Variants in SH3PXD2A observed in about 807,000 individuals in gnomAD.
SH3PXD2A encodes SH3 and PX domain-containing protein 2A.
In SH3PXD2A, 32 loss-of-function variants were observed where a neutral mutation model predicts 115.2. That is an observed-to-expected ratio of 0.28 (90% CI 0.21 to 0.37). The LOEUF is 0.37. SH3PXD2A is among the 10% of genes least tolerant of loss of function. The pLI is 1.00. For missense variants in SH3PXD2A, 1,328 were observed against 1,498.7 expected (o/e 0.89, Z 1.88); for synonymous variants, 610 against 629.1 (o/e 0.97, Z 0.45).
chr10:103,794,697 T>C (rs928678024), intron 2 of SH3PXD2A, among the ~76,000 whole-genome samples: 5 of 152,210 alleles, frequency 3.3e-5, no homozygotes, highest in Admixed American at 6.5e-5. Context: ...CTGGTCAGCT[T>C]TCCCTGGGAC....
intron 2 of SH3PXD2A, among the ~76,000 whole-genome samples, chr10:103,773,256 C>G (rs1248001568): frequency 1.3e-5 from 2 of 149,204 alleles, no homozygotes; most frequent in Admixed American, 1.3e-4. Flanking sequence ...AAAAAAGAGA[C>G]AAGGCCACCC....
At chr10:103,783,103 G>T (rs1247862764) in intron 2 of SH3PXD2A, among the ~76,000 whole-genome samples, 1 of 152,198 alleles carries the variant, frequency 6.6e-6, no homozygotes, top group Non-Finnish European at 1.5e-5. Flanking sequence ...GGTGAAGCGA[G>T]CGAGCTGGGG....
intron 2 of SH3PXD2A, among the ~76,000 whole-genome samples, chr10:103,774,938 G>T (rs545827971): frequency 2.0e-5 from 3 of 152,152 alleles, no homozygotes; most frequent in African/African-American, 4.8e-5. Context: ...CCAGCTGGAC[G>T]CCTGGAGTGT....
intron 6 of SH3PXD2A, among the ~76,000 whole-genome samples, chr10:103,689,623 C>G (rs954913352): frequency 1.3e-5 from 2 of 152,102 alleles, no homozygotes; most frequent in African/African-American, 4.8e-5. Context: ...TAAGGTCATG[C>G]CACTGCACTC....
chr10:103,786,171 G>C (rs776965775), intron 2 of SH3PXD2A, among the ~76,000 whole-genome samples: 2 of 152,168 alleles, frequency 1.3e-5, no homozygotes, highest in Admixed American at 1.3e-4. Context: ...TGGCAAGGAA[G>C]GGAAAGGACT....
intron 3 of SH3PXD2A, among the ~76,000 whole-genome samples, chr10:103,762,215 T>TGGG (rs1370425172): frequency 3.3e-5 from 5 of 151,848 alleles, no homozygotes; most frequent in Non-Finnish European, 7.4e-5. Flanking sequence ...TTAGCAGAGA[T>TGGG]GGGGGTTTCA....
At chr10:103,668,716 C>T (rs2037417932) in intron 6 of SH3PXD2A, 64 bp from the exon 7 acceptor site, 1 of 1,444,130 alleles carries the variant, frequency 6.9e-7, no homozygotes, top group Admixed American at 2.0e-5. Context: ...AACGGTTAGG[C>T]AGGCAGGAGG....
chr10:103,637,893 G>C (rs1365644125), intron 8 of SH3PXD2A, among the ~76,000 whole-genome samples: 1 of 152,148 alleles, frequency 6.6e-6, no homozygotes. Flanking sequence ...TGACCTCCAG[G>C]CAGAGCTAAG....
At chr10:103,651,793 A>C (rs1307513657) in intron 8 of SH3PXD2A, among the ~76,000 whole-genome samples, 2 of 152,220 alleles carry the variant, frequency 1.3e-5, no homozygotes, top group Non-Finnish European at 2.9e-5. Context: ...ACGAGCAGGC[A>C]TCTCTCCAGG....
chr10:103,839,941 A>G (rs2134315717), intron 1 of SH3PXD2A, among the ~76,000 whole-genome samples: 1 of 152,364 alleles, frequency 6.6e-6, no homozygotes, highest in South Asian at 2.1e-4. Flanking sequence ...GGGAGAGGGC[A>G]TGTTAGGGCA....
At chr10:103,830,300 G>A (rs907164902) in intron 1 of SH3PXD2A, among the ~76,000 whole-genome samples, 26 of 152,208 alleles carry the variant, frequency 1.7e-4, no homozygotes, top group Admixed American at 1.5e-3. Flanking sequence ...GGAATGATAG[G>A]AAGAGATTAA....
intron 2 of SH3PXD2A, among the ~76,000 whole-genome samples, chr10:103,768,405 G>A (rs771777376): frequency 1.3e-5 from 2 of 152,238 alleles, no homozygotes; most frequent in Non-Finnish European, 2.9e-5. Context: ...GAACGTTTCA[G>A]GCAGGGAAGC....
intron 2 of SH3PXD2A, among the ~76,000 whole-genome samples, chr10:103,797,974 C>T (rs1358675683): frequency 2.0e-5 from 3 of 152,160 alleles, no homozygotes; most frequent in Non-Finnish European, 4.4e-5. Flanking sequence ...TGGCCCTCAA[C>T]TCATGACCAG....
At chr10:103,773,055 C>G (rs2038844032) in intron 2 of SH3PXD2A, among the ~76,000 whole-genome samples, 1 of 152,074 alleles carries the variant, frequency 6.6e-6, no homozygotes, top group Non-Finnish European at 1.5e-5. Context: ...GAAACCCTAT[C>G]TCTACTGAAA....
At chr10:103,781,589 A>C (rs1255692182) in intron 2 of SH3PXD2A, among the ~76,000 whole-genome samples, 2 of 152,230 alleles carry the variant, frequency 1.3e-5, no homozygotes, top group Non-Finnish European at 2.9e-5. Context: ...AAACTAAAAG[A>C]GGGAAGGCAA....
At chr10:103,683,820 C>G (rs191961253) in intron 6 of SH3PXD2A, among the ~76,000 whole-genome samples, 3 of 152,346 alleles carry the variant, frequency 2.0e-5, no homozygotes, top group Admixed American at 2.0e-4. Context: ...CCATCTCCAG[C>G]CTCTCCCACA....
chr10:103,806,359 C>T (rs1254416913), intron 1 of SH3PXD2A, among the ~76,000 whole-genome samples: 4 of 152,180 alleles, frequency 2.6e-5, no homozygotes, highest in Admixed American at 6.5e-5. Flanking sequence ...TCACTCCAGG[C>T]GGGTGATGGA....
At chr10:103,613,546 A>C (rs554172270) in intron 11 of SH3PXD2A, among the ~76,000 whole-genome samples, 26 of 152,168 alleles carry the variant, frequency 1.7e-4, no homozygotes, top group Non-Finnish European at 3.5e-4. Flanking sequence ...CAGTCAGTTG[A>C]GGATAATTAG....
rs1282830644 is a variant in SH3PXD2A at position 103,677,866 on chromosome 10, C to T, written c.428-9214G>A. Reference sequence around the variant, plus strand: ...CAAGGGTGCATGGAAAACTGAGGCCCGGCTACCCCACTGCCCCAGGACCCT... The same window carrying T: ...CAAGGGTGCATGGAAAACTGAGGCCTGGCTACCCCACTGCCCCAGGACCCT... On this transcript the variant is annotated intron_variant, in intron 6 of 14. Transcript: ENST00000369774. Among the ~76,000 whole-genome samples the T allele has an allele frequency of 2.6e-5, 4 of 152,138 alleles. No individual in the cohort carries two copies. In the East Asian group the frequency reaches 7.7e-4, roughly 29 times the overall value.
Sources: allele counts gnomAD v4.1 joint callset (sites outside exome capture counted in the v4.1 genomes callset), GRCh38; gene constraint gnomAD v4.1.1; transcripts MANE v1.5; gene names NCBI Gene and HGNC (gene_info 2026-07-23, HGNC 2026-07-21).